SKAP1: variants seen among roughly 807,000 people sequenced by gnomAD.
SKAP1 encodes src kinase-associated phosphoprotein 1.
A neutral mutation model predicts 58.5 loss-of-function variants in SKAP1; 44 were observed. The observed-to-expected ratio is 0.75, with a 90% CI of 0.59 to 0.97. The LOEUF (loss-of-function observed/expected upper bound fraction) is 0.97. Ranked by LOEUF, SKAP1 falls within the 50% of genes least tolerant of loss-of-function variation. SKAP1 has a pLI of 0.00. For synonymous variants in SKAP1, 127 were observed against 149.7 expected, an observed-to-expected ratio of 0.85 and a Z score of 1.11; for missense variants, 390 against 435.2, an observed-to-expected ratio of 0.90 and a Z score of 0.92.
chr17:48,432,929 A>T (rs1291625605), upstream of SKAP1, among the ~76,000 whole-genome samples: 2 of 152,200 alleles, frequency 1.3e-5, no homozygotes, highest in African/African-American at 2.4e-5. Context: ...CGTATTCTAT[A>T]TGCATCCTTC....
intron 9 of SKAP1, among the ~76,000 whole-genome samples, chr17:48,179,384 C>A (rs1182158036): frequency 6.6e-6 from 1 of 152,222 alleles, no homozygotes; most frequent in African/African-American, 2.4e-5. Context: ...TTATCCCCAC[C>A]AGACATGGCT....
chr17:48,164,448 C>T (rs538459214), intron 10 of SKAP1, among the ~76,000 whole-genome samples: 3 of 152,188 alleles, frequency 2.0e-5, no homozygotes, highest in African/African-American at 7.2e-5. Flanking sequence ...CTACTGTGTG[C>T]CTGGATATGG....
chr17:48,402,809 C>G (rs534616852), intron 1 of SKAP1, among the ~76,000 whole-genome samples: 1 of 152,088 alleles, frequency 6.6e-6, no homozygotes, highest in East Asian at 1.9e-4. Context: ...GTGAAAGGAG[C>G]CAGTCACAAA....
chr17:48,323,929 T>C (rs1199228545), intron 4 of SKAP1, among the ~76,000 whole-genome samples: 1 of 152,102 alleles, frequency 6.6e-6, no homozygotes, highest in African/African-American at 2.4e-5. Flanking sequence ...AAACACATGC[T>C]GCTGTTTTGC....
chr17:48,163,264 C>G (rs1303587697), intron 10 of SKAP1, among the ~76,000 whole-genome samples: 1 of 152,164 alleles, frequency 6.6e-6, no homozygotes, highest in Non-Finnish European at 1.5e-5. Flanking sequence ...CCCAGGGGAA[C>G]AGAAACCAAA....
intron 9 of SKAP1, among the ~76,000 whole-genome samples, chr17:48,177,554 T>C (rs1461989516): frequency 6.6e-6 from 1 of 152,096 alleles, no homozygotes; most frequent in Non-Finnish European, 1.5e-5. Flanking sequence ...GTGCCTAGGA[T>C]ACCATTGCTG....
At chr17:48,356,263 C>A (rs1005456116) in intron 3 of SKAP1, among the ~76,000 whole-genome samples, 110 of 151,834 alleles carry the variant, frequency 7.2e-4, no homozygotes, top group African/African-American at 2.7e-3. Context: ...GTCTCAAAAA[C>A]TAAAATAAAT....
rs1466420501 is a variant in SKAP1 at position 48,180,161 on chromosome 17, G to C, written c.719C>G (p.Ser240Cys). ...ETYDDIDGFD[S>C]PSCGSQCRPT... ...TCTGCACTGGGAACCACAACTTGGG[G>C]AGTCAAAACCATCAATATCATCATA... is the stretch of plus-strand genomic sequence containing the variant. Residue 240 changes from serine to cysteine, a missense_variant, in exon 9 of 13, where the codon TCC (serine) becomes TGC (cysteine). Transcript: ENST00000336915. 1 of 1,613,764 alleles carries C rather than the reference G, an allele frequency of 6.2e-7. No individual in the cohort carries two copies.
Position 48,363,093 on chromosome 17 carries a change from G to A in SKAP1, c.178+696C>T, listed in dbSNP as rs574248122. Reference sequence around the variant, plus strand: ...ATATCCCCTCAAACTGTTTGAATTCGGAAAAAAATATTTCAATTCTGAACC... The same window carrying A: ...ATATCCCCTCAAACTGTTTGAATTCAGAAAAAAATATTTCAATTCTGAACC... On this transcript the variant is annotated intron_variant, in intron 3 of 12. Coordinates refer to ENST00000336915, the MANE Select transcript of SKAP1 (RefSeq NM_003726.4). Among the ~76,000 whole-genome samples the A allele has an allele frequency of 1.1e-4, 16 of 152,070 alleles. No individual in the cohort carries two copies. The South Asian group carries it at 2.5e-3, about 24-fold the overall frequency.
intron 4 of SKAP1, among the ~76,000 whole-genome samples, chr17:48,227,568 CT>C (rs2065083396): frequency 6.6e-6 from 1 of 152,180 alleles, no homozygotes; most frequent in Admixed American, 6.5e-5. Context: ...TTTTAGAATT[CT>C]TTACCTCTAG....
intron 1 of SKAP1, among the ~76,000 whole-genome samples, chr17:48,418,772 A>G (rs1350606107): frequency 6.6e-6 from 1 of 152,256 alleles, no homozygotes; most frequent in Non-Finnish European, 1.5e-5. Flanking sequence ...GCAAAAAGGA[A>G]CAAACCAATA....
At chr17:48,182,506 T>A in intron 7 of SKAP1, 49 bp from the exon 8 acceptor site, 1 of 1,397,496 alleles carries the variant, frequency 7.2e-7, no homozygotes. Context: ...AAAATTTCCA[T>A]GAATCTTGAC....
intron 11 of SKAP1, among the ~76,000 whole-genome samples, chr17:48,152,445 A>T (rs573068408): frequency 6.6e-6 from 1 of 152,316 alleles, no homozygotes; most frequent in Admixed American, 6.5e-5. Context: ...TCTCACCAAA[A>T]TGTCATCCAG....
rs569107301 is a variant in SKAP1, at chr17:48,248,338, G to A, written c.281-58838C>T. Among the ~76,000 whole-genome samples the A allele has an allele frequency of 3.3e-3, 504 of 152,200 alleles. 7 individuals carry two copies. The highest frequency in any genetic ancestry group is 0.012 in the African/African-American group (490 of 41,520). ...TCCTAGGACTTTGGGAAGCCGAGGC[G>A]GTTGGATCATCTGTGATCAGCAGTT... On this transcript the variant is annotated intron_variant, in intron 4 of 12. Transcript: ENST00000336915.
chr17:48,146,334 T>C (rs1303950719), intron 11 of SKAP1, among the ~76,000 whole-genome samples: 5 of 151,344 alleles, frequency 3.3e-5, no homozygotes, highest in Non-Finnish European at 7.4e-5. Context: ...CTACTAAAAA[T>C]ACAAAAAAAT....
intron 11 of SKAP1, among the ~76,000 whole-genome samples, chr17:48,156,771 T>C (rs1411939638): frequency 6.6e-6 from 1 of 152,208 alleles, no homozygotes; most frequent in Non-Finnish European, 1.5e-5. Flanking sequence ...AGAGTTTGGA[T>C]GTGTGGCTCT....
intron 4 of SKAP1, among the ~76,000 whole-genome samples, chr17:48,332,875 T>C (rs528313418): frequency 6.6e-6 from 1 of 152,310 alleles, no homozygotes; most frequent in South Asian, 2.1e-4. Flanking sequence ...TTGAAAATCA[T>C]ACCCAGCATG....
At chr17:48,146,716 C>T (rs1236960867) in intron 11 of SKAP1, among the ~76,000 whole-genome samples, 5 of 151,902 alleles carry the variant, frequency 3.3e-5, no homozygotes, top group Admixed American at 6.6e-5. Flanking sequence ...GCAACCTCTG[C>T]CTCCCGGGTT....
At chr17:48,432,064 G>A (rs35457430), upstream of SKAP1, among the ~76,000 whole-genome samples, 4,493 of 152,276 alleles carry the variant, frequency 0.03, 248 homozygotes, top group African/African-American at 0.1. Flanking sequence ...ATTGGGGTGA[G>A]GGGACAGAGG....
Sources: allele counts gnomAD v4.1 joint callset (sites outside exome capture counted in the v4.1 genomes callset), GRCh38; gene constraint gnomAD v4.1.1; transcripts MANE v1.5; gene names NCBI Gene and HGNC (gene_info 2026-07-23, HGNC 2026-07-21).